The following HERC1 variants were observed in gnomAD, a reference collection of about 807,000 sequenced individuals.
HERC1 encodes probable E3 ubiquitin-protein ligase HERC1.
In HERC1, 160 loss-of-function variants were observed where a neutral mutation model predicts 554.3. That is an observed-to-expected ratio of 0.29 (90% CI 0.25 to 0.33). The LOEUF (loss-of-function observed/expected upper bound fraction) is 0.33, where lower values mean the gene tolerates loss of function less well. Ranked by LOEUF, HERC1 falls within the 10% of genes least tolerant of loss-of-function variation. The probability of loss-of-function intolerance (pLI) is 1.00; values close to 1 mark genes in which losing one functional copy is unlikely to be tolerated. For synonymous variants in HERC1, 2,175 were observed against 2,131.7 expected (o/e 1.02, Z -0.56); for missense variants, 4,919 against 5,918.5 (o/e 0.83, Z 5.54).
intron 2 of HERC1, among the ~76,000 whole-genome samples, chr15:63,769,641 G>T (rs916223053): frequency 1.3e-5 from 2 of 151,968 alleles, no homozygotes; most frequent in Non-Finnish European, 2.9e-5. Flanking sequence ...ATCATCTGAG[G>T]TCAGGAGTTC....
At chr15:63,788,573 C>G (rs755365504) in intron 1 of HERC1, among the ~76,000 whole-genome samples, 2 of 152,202 alleles carry the variant, frequency 1.3e-5, no homozygotes, top group Non-Finnish European at 2.9e-5. Flanking sequence ...AGCTGTAATA[C>G]TACCACAGTT....
rs765293817 is a variant in HERC1 at position 63,649,706 on chromosome 15, CG to C, written c.10747+18del. The C allele has an allele frequency of 8.0e-6, 12 of 1,497,254 alleles. No homozygotes were observed. The highest frequency in any genetic ancestry group is 1.1e-5 in the Non-Finnish European group (12 of 1,085,274). The allele number at this position is 1,497,254 out of a possible 1,614,324, so 92.7% of individuals were successfully genotyped here. ...GAAGTTGGAGACTCCGTCAGCTAGA[CG>C]TAAGTGCAGTCATTTACCATCCTTT... On this transcript the variant is annotated intron_variant, in intron 54 of 77. Transcript: ENST00000443617.
intron 1 of HERC1, among the ~76,000 whole-genome samples, chr15:63,799,633 A>AGG (rs1179533328): frequency 2.6e-5 from 4 of 152,236 alleles, no homozygotes; most frequent in African/African-American, 7.2e-5. Context: ...TCAGTTATTA[A>AGG]GGGACTAGGC....
rs34069674 is a variant in HERC1, at chr15:63,718,083, GACACACACACACAC to G, written c.3978+477_3978+490del. Among the ~76,000 whole-genome samples, 311 of 75,662 alleles carry G rather than the reference GACACACACACACAC, an allele frequency of 4.1e-3. 4 individuals are homozygous for G. The highest frequency in any genetic ancestry group is 0.024 in the East Asian group (114 of 4,756). The allele number at this position is 75,662 out of a possible 152,430, so 49.6% of individuals were successfully genotyped here. On this transcript the variant is annotated intron_variant, in intron 21 of 77. Coordinates refer to ENST00000443617, the MANE Select transcript of HERC1 (RefSeq NM_003922.4). The surrounding 1 kb of genome is among the most constrained non-coding windows in gnomAD (Gnocchi z 4.2). ...AGTATTTTTAAGGCAGCTATTATGT[GACACACACACACAC>G]ACACACACACACACACACACACACA...
intron 13 of HERC1, among the ~76,000 whole-genome samples, chr15:63,733,755 G>A (rs2074389662): frequency 6.6e-6 from 1 of 152,186 alleles, no homozygotes; most frequent in African/African-American, 2.4e-5. Context: ...AGAAGGCTGA[G>A]GTGGGAGAAT....
intron 6 of HERC1, among the ~76,000 whole-genome samples, 176 bp downstream of exon 6, chr15:63,755,053 T>G (rs1213451191): frequency 6.6e-6 from 1 of 152,212 alleles, no homozygotes; most frequent in Non-Finnish European, 1.5e-5. Flanking sequence ...TTTAATTACA[T>G]TTAAATATCA....
intron 34 of HERC1, among the ~76,000 whole-genome samples, chr15:63,685,087 A>G (rs2071679619): frequency 6.6e-6 from 1 of 152,226 alleles, no homozygotes; most frequent in Admixed American, 6.5e-5. Context: ...CTGATTGCTG[A>G]GCTTCTCATC....
chr15:63,622,778 T>C (rs1475476829), intron 74 of HERC1, 37 bp downstream of exon 74: 3 of 1,453,270 alleles, frequency 2.1e-6, no homozygotes, highest in Non-Finnish European at 2.8e-6. Context: ...ATTATTATTA[T>C]TTTAGACATA....
intron 1 of HERC1, among the ~76,000 whole-genome samples, chr15:63,825,787 G>A (rs1241375986): frequency 6.7e-6 from 1 of 150,330 alleles, no homozygotes; most frequent in Non-Finnish European, 1.5e-5. Context: ...TTTTTGAGAT[G>A]GAGTCTCGTT....
At position 63,775,251 on chromosome 15, in the gene HERC1, C is replaced by A; in HGVS notation, c.373G>T (p.Gly125Cys). ...YALSNKYHDK[G>C]KVKQQQHSPE... ...GAATGCTGCTGCTGCTTCACCTTGC[C>A]TTTGTCATGGTATTTATTAGAAAGT... The change falls in exon 2 of 78, where the codon GGC becomes TGC. Residue 125 changes from glycine (G) to cysteine (C), a missense_variant. Gly to Cys is a radical substitution (Grantham distance 159). Coordinates refer to ENST00000443617, the MANE Select transcript of HERC1 (RefSeq NM_003922.4). The surrounding 1 kb of genome is among the most constrained non-coding windows in gnomAD (Gnocchi z 4.0). The A allele has an allele frequency of 6.2e-7, 1 of 1,614,008 alleles. No homozygotes were observed. Among genetic ancestry groups the A allele is most frequent in the South Asian group, 1.1e-5 (1 of 91,084 alleles).
intron 26 of HERC1, among the ~76,000 whole-genome samples, chr15:63,696,816 C>T (rs971904887): frequency 2.0e-5 from 3 of 151,876 alleles, no homozygotes; most frequent in South Asian, 2.1e-4. Flanking sequence ...TACTCTTTAG[C>T]CCAGGAATGA....
At chr15:63,646,961 C>G (rs2069383031) in intron 55 of HERC1, among the ~76,000 whole-genome samples, 1 of 151,716 alleles carries the variant, frequency 6.6e-6, no homozygotes, top group African/African-American at 2.4e-5. Context: ...AAAGCAAATT[C>G]AAACCACAAT....
At chr15:63,616,233 C>G (rs559864310) in intron 75 of HERC1, among the ~76,000 whole-genome samples, 197 bp downstream of exon 75, 1 of 93,820 alleles carries the variant, frequency 1.1e-5, no homozygotes, top group South Asian at 2.8e-4. Flanking sequence ...GAAGGAGCAA[C>G]TAAGTGCAGG....
chr15:63,681,391 CTTG>C (rs982402607), intron 34 of HERC1, among the ~76,000 whole-genome samples: 7 of 151,986 alleles, frequency 4.6e-5, no homozygotes, highest in African/African-American at 1.4e-4. Context: ...GAGATGAGGT[CTTG>C]TTATGTTACA....
At chr15:63,627,656 A>C (rs1351263936) in intron 70 of HERC1, among the ~76,000 whole-genome samples, 2 of 151,846 alleles carry the variant, frequency 1.3e-5, no homozygotes, top group African/African-American at 4.8e-5. Flanking sequence ...CCTGGGCAAC[A>C]AAGTGAGACT....
At position 63,734,624 on chromosome 15, in the gene HERC1, T is replaced by C; in HGVS notation, c.2646+100A>G. 3 of 1,012,474 alleles carry C rather than the reference T, an allele frequency of 3.0e-6. No individual in the cohort carries two copies. Among genetic ancestry groups the C allele is most frequent in the Non-Finnish European group, 4.2e-6 (3 of 708,686 alleles). The allele number at this position is 1,012,474 out of a possible 1,614,324, so 62.7% of individuals were successfully genotyped here. A position where few individuals can be genotyped will look rare whatever the true frequency, so the allele number is the denominator to read the frequency against. Reference sequence around the variant, plus strand: ...ACAACACATTAACCCATCAAGTACTTATGCTCCAAGAACACATGGCAATTT... The same window carrying C: ...ACAACACATTAACCCATCAAGTACTCATGCTCCAAGAACACATGGCAATTT... On this transcript the variant is annotated intron_variant, in intron 13 of 77. Coordinates refer to ENST00000443617, the MANE Select transcript of HERC1 (RefSeq NM_003922.4). The surrounding 1 kb of genome is among the most constrained non-coding windows in gnomAD (Gnocchi z 4.6).
At position 63,698,763 on chromosome 15, in the gene HERC1, T is replaced by C. The variant is rs1384202416; in HGVS notation, c.4870A>G (p.Ile1624Val). The C allele has an allele frequency of 3.1e-6, 5 of 1,613,786 alleles. No individual in the cohort carries two copies. In the Admixed American group the frequency reaches 6.7e-5, roughly 22 times the overall value. ...AACTGCTGCTGTTCCATTGCAATGA[T>C]GGAGGCCTGGGGACTTGTAGACATA... Reference protein sequence around the residue: ...ESMSTSPQASIIAMEQQQLRA... With the variant: ...ESMSTSPQASVIAMEQQQLRA... Residue 1624 changes from isoleucine (I) to valine (V), a missense_variant, in exon 26 of 78, where the codon ATC becomes GTC. Ile to Val is a conservative substitution (Grantham distance 29, BLOSUM62 3). Around this residue, in one of 11 missense-constraint regions of HERC1, gnomAD observed 1,121 missense variants for 1,244.0 expected, o/e 0.90. Coordinates refer to ENST00000443617, the MANE Select transcript of HERC1 (RefSeq NM_003922.4).
Position 63,652,431 on chromosome 15 carries a change from G to T in HERC1, c.10401C>A (p.Thr3467=), listed in dbSNP as rs779189428. Residue 3467 remains threonine, a synonymous_variant, in exon 52 of 78, where the codon ACC becomes ACA. Transcript: ENST00000443617. The part of the protein sequence containing the change: ...VTKKQYSLQQ[T]CVFNRLEGDA... ...GCACTCACAATCTGTTGAACACACA[G>T]GTCTGTTGCAGTGAATATTGCTTCT... The T allele has an allele frequency of 3.1e-6, 5 of 1,612,744 alleles. No homozygotes were observed. The African/African-American group carries it at 6.7e-5, about 22-fold the overall frequency.
At chr15:63,716,815 T>TA (rs2073577518) in intron 21 of HERC1, among the ~76,000 whole-genome samples, 1 of 152,236 alleles carries the variant, frequency 6.6e-6, no homozygotes, top group Non-Finnish European at 1.5e-5. Flanking sequence ...AAAAGGTAAT[T>TA]AAGGCAGAGA....
Sources: gnomAD v4.1 joint callset for allele counts (sites outside exome capture counted in the v4.1 genomes callset) on GRCh38, gnomAD v4.1.1 for gene constraint, gnomAD v4.1.1 regional missense constraint, Gnocchi (gnomAD v3.1) non-coding constraint, MANE v1.5 for transcripts, NCBI Gene and HGNC (gene_info 2026-07-23, HGNC 2026-07-21) for gene names.